SCN7A: variants seen among roughly 807,000 people sequenced by gnomAD.
SCN7A encodes the protein sodium channel protein type 7 subunit alpha.
Under a neutral mutation model 155.2 loss-of-function variants are expected in SCN7A, and 138 were observed. The ratio of observed to expected loss-of-function variants is 0.89; its 90% CI spans 0.77 to 1.02. SCN7A has a LOEUF of 1.02. Ranked by LOEUF, SCN7A falls within the 50% of genes least tolerant of loss-of-function variation. The pLI is 0.00. For synonymous variants in SCN7A, 693 were observed against 649.0 expected (o/e 1.07, Z -1.03); for missense variants, 2,058 against 1,986.6 (o/e 1.04, Z -0.68).
rs1295989969 is a variant in SCN7A at position 166,413,115 on chromosome 2, A to C, written c.3421T>G (p.Phe1141Val). 1 of 1,515,136 alleles carries C rather than the reference A, an allele frequency of 6.6e-7. No homozygotes were observed. The highest frequency in any genetic ancestry group is 8.9e-7 in the Non-Finnish European group (1 of 1,124,082). 93.9% of individuals were successfully genotyped at this position (1,515,136 alleles called of 1,614,324 possible). The change falls in exon 22 of 26, where the codon TTT (phenylalanine) becomes GTT (valine). Residue 1141 changes from phenylalanine to valine, a missense_variant. By Grantham distance (50) the Phe-to-Val change is conservative (BLOSUM62 -1). Transcript: ENST00000643258. ...TTCATAATAGTGATCCATCCATTAA[A>C]TGTTGCCTGTAAAAATAAAATGCAT... ...GFLSLLQVATFNGWITIMNSA... is the reference protein window; with the variant it reads ...GFLSLLQVATVNGWITIMNSA...
chr2:166,452,490 ACT>A (rs1359151308), intron 11 of SCN7A, among the ~76,000 whole-genome samples: 13 of 152,112 alleles, frequency 8.5e-5, no homozygotes, highest in African/African-American at 2.9e-4. Context: ...GAAGATAGAC[ACT>A]CTATTTGTAT....
At chr2:166,426,344 T>C (rs1486692685) in intron 18 of SCN7A, among the ~76,000 whole-genome samples, 2 of 152,076 alleles carry the variant, frequency 1.3e-5, no homozygotes, top group Admixed American at 6.6e-5. Context: ...ATGGAGTATC[T>C]GGCAAGCCCC....
intron 9 of SCN7A, among the ~76,000 whole-genome samples, chr2:166,462,774 T>A (rs1702444181): frequency 6.6e-6 from 1 of 152,200 alleles, no homozygotes; most frequent in South Asian, 2.1e-4. Context: ...TTTGCCAAGC[T>A]ATTTTTTTTG....
intron 1 of SCN7A, among the ~76,000 whole-genome samples, chr2:166,488,687 G>A (rs975585545): frequency 6.6e-6 from 1 of 151,504 alleles, no homozygotes; most frequent in Non-Finnish European, 1.5e-5. Flanking sequence ...GCCCAGGCTG[G>A]AGAGCAGCGG....
rs1256535838 is a variant in SCN7A at position 166,429,207 on chromosome 2, A to C, written c.2660T>G (p.Met887Arg). 6.5e-7 allele frequency: 1 copy of C among 1,546,796 alleles called. No individual in the cohort carries two copies. Among genetic ancestry groups the C allele is most frequent in the Non-Finnish European group, 8.7e-7 (1 of 1,144,690 alleles). Residue 887 changes from methionine to arginine, a missense_variant, in exon 17 of 26, where the codon ATG becomes AGG. Transcript: ENST00000643258. ...VDIAISEEEE[M>R]FYGGERSKHL... ...CTTTGATCTTTCACCTCCATAGAAC[A>C]TTTCTTCTTCTTCAGAGATAGCAAT...
chr2:166,433,321 T>C (rs1161416331), intron 15 of SCN7A, among the ~76,000 whole-genome samples: 1 of 152,144 alleles, frequency 6.6e-6, no homozygotes, highest in Non-Finnish European at 1.5e-5. Context: ...CATACAATTT[T>C]ATACATTAAC....
At chr2:166,429,774 A>T (rs1701695955) in intron 16 of SCN7A, among the ~76,000 whole-genome samples, 1 of 152,054 alleles carries the variant, frequency 6.6e-6, no homozygotes, top group Admixed American at 6.6e-5. Context: ...ATCATGAAGT[A>T]AAATGAGGGA....
rs35952577 is a variant in SCN7A, at chr2:166,441,583, A to G, written c.1970T>C (p.Val657Ala). ...TTGACAGTCTTTGTCTATGTGGCAG[A>G]CAAATTCTTCATAATTCTTACCAAA... The part of the protein sequence containing the change: ...KLFGKNYEEF[V>A]CHIDKDCQLP... The change falls in exon 15 of 26, where the codon GTC becomes GCC. Residue 657 changes from valine to alanine, a missense_variant. Val to Ala is a moderately conservative substitution (Grantham distance 64). Transcript: ENST00000643258. The G allele has an allele frequency of 1.1e-3, 1,759 of 1,613,930 alleles. 17 individuals carry two copies. Among genetic ancestry groups the G allele is most frequent in the Non-Finnish European group, 2.6e-4 (310 of 1,179,934 alleles).
At position 166,423,274 on chromosome 2, in the gene SCN7A, G is replaced by A; in HGVS notation, c.3012C>T (p.Asp1004=). 2 of 1,603,368 alleles carry A rather than the reference G, an allele frequency of 1.2e-6. No individual in the cohort carries two copies. The highest frequency in any genetic ancestry group is 1.1e-5 in the South Asian group (1 of 88,290). The change falls in exon 19 of 26, where the codon GAC becomes GAT. Residue 1004 remains aspartate (D), a synonymous_variant. Coordinates refer to ENST00000643258, the MANE Select transcript of SCN7A (RefSeq NM_002976.4). ...AAATACGTACAATAACAACCACGAAGTCCAGCCTGTACCAGCCATTAGAGA... is the reference window on the plus strand; with the variant it reads ...AAATACGTACAATAACAACCACGAAATCCAGCCTGTACCAGCCATTAGAGA... ...AYFSNGWYRL[D]FVVVIVFCLS...
intron 21 of SCN7A, among the ~76,000 whole-genome samples, chr2:166,414,018 ATG>A (rs1701267707): frequency 2.2e-5 from 2 of 91,388 alleles, no homozygotes; most frequent in African/African-American, 8.3e-5. Flanking sequence ...TACTATATAT[ATG>A]TAAATATATA....
At chr2:166,436,648 A>C (rs1701845535) in intron 15 of SCN7A, among the ~76,000 whole-genome samples, 1 of 152,216 alleles carries the variant, frequency 6.6e-6, no homozygotes, top group Admixed American at 6.5e-5. Flanking sequence ...GCTCAGAAGA[A>C]GACAGCAAGA....
In SCN7A at chr2:166,413,114, A is replaced by G. The variant is rs887910073; in HGVS notation, c.3422T>C (p.Phe1141Ser). Reference sequence around the variant, plus strand: ...ATTCATAATAGTGATCCATCCATTAAATGTTGCCTGTAAAAATAAAATGCA... The same window carrying G: ...ATTCATAATAGTGATCCATCCATTAGATGTTGCCTGTAAAAATAAAATGCA... Reference protein sequence around the residue: ...GFLSLLQVATFNGWITIMNSA... With the variant: ...GFLSLLQVATSNGWITIMNSA... The change falls in exon 22 of 26, where the codon TTT becomes TCT. Residue 1141 changes from phenylalanine to serine, a missense_variant. Transcript: ENST00000643258. 2.6e-6 allele frequency: 4 copies of G among 1,515,784 alleles called. No homozygotes were observed. The highest frequency in any genetic ancestry group is 4.7e-5 in the East Asian group (2 of 42,358). 93.9% of individuals were successfully genotyped at this position (1,515,784 alleles called of 1,614,324 possible). A position where few individuals can be genotyped will look rare whatever the true frequency, so the allele number is the denominator to read the frequency against.
intron 12 of SCN7A, among the ~76,000 whole-genome samples, chr2:166,447,292 A>C (rs1463736968): frequency 6.6e-6 from 1 of 152,230 alleles, no homozygotes; most frequent in Non-Finnish European, 1.5e-5. Flanking sequence ...ACACATAAAA[A>C]TATAGAGATA....
Position 166,472,328 on chromosome 2 carries a change from T to C in SCN7A, c.561A>G (p.Val187=), listed in dbSNP as rs757565352. The C allele has an allele frequency of 1.1e-5, 17 of 1,604,974 alleles. 1 individual carries two copies. The South Asian group carries it at 1.8e-4, about 17-fold the overall frequency. Residue 187 remains valine, a synonymous_variant, in exon 6 of 26, where the codon GTA becomes GTG. Transcript: ENST00000643258. ...GDPWNWLDFS[V]TVFEVIIRYS... is the part of the protein sequence containing the mutation. ...AAAGAAATACTCACTCAAACACAGT[T>C]ACGCTGAAATCGAGCCAGTTCCATG...
chr2:166,442,551 T>A (rs1323522123), intron 14 of SCN7A, among the ~76,000 whole-genome samples: 1 of 149,118 alleles, frequency 6.7e-6, no homozygotes, highest in East Asian at 2.0e-4. Context: ...CCACTGTGAC[T>A]AATTTTTTAT....
intron 15 of SCN7A, chr2:166,441,006 A>T: frequency 7.0e-6 from 2 of 284,316 alleles, no homozygotes; most frequent in African/African-American, 2.2e-5. Context: ...GCAATTTAAA[A>T]CTTATGAGTT....
chr2:166,410,352 A>G (rs1207483105), intron 23 of SCN7A, 28 bp from the exon 24 acceptor site: 1 of 1,458,842 alleles, frequency 6.9e-7, no homozygotes, highest in Admixed American at 2.3e-5. Context: ...AAATATATTA[A>G]AATCACACTT....
In SCN7A at chr2:166,416,931, CAAG is replaced by C. The variant is rs1317917896; in HGVS notation, c.3187_3189del (p.Leu1063del). 2 of 1,611,126 alleles carry C rather than the reference CAAG, an allele frequency of 1.2e-6. No homozygotes were observed. Among genetic ancestry groups the C allele is most frequent in the Admixed American group, 3.3e-5 (2 of 59,724 alleles). On this transcript the variant is annotated inframe_deletion, in exon 21 of 26. Coordinates refer to ENST00000643258, the MANE Select transcript of SCN7A (RefSeq NM_002976.4). Reference sequence around the variant, plus strand: ...AAAATCAGCCAGATCATCAGGCAGACAAGAAACACATTCAAAGTGGGTAAGGTT... The same window carrying C: ...AAAATCAGCCAGATCATCAGGCAGACAAACACATTCAAAGTGGGTAAGGTT...
chr2:166,447,554 A>C (rs1702089489), intron 12 of SCN7A, 58 bp downstream of exon 12: 1 of 1,139,322 alleles, frequency 8.8e-7, no homozygotes, highest in Admixed American at 2.4e-5. Context: ...ATTTCTTTAA[A>C]AGTGAATTTT....
Sources: gnomAD v4.1 joint callset for allele counts (sites outside exome capture counted in the v4.1 genomes callset) on GRCh38, gnomAD v4.1.1 for gene constraint, MANE v1.5 for transcripts, NCBI Gene and HGNC (gene_info 2026-07-23, HGNC 2026-07-21) for gene names.